Variants in GPATCH2L observed in about 807,000 individuals in gnomAD.
The protein encoded by GPATCH2L is G-patch domain containing 2 like.
GPATCH2L carries 31 observed loss-of-function variants against 57.4 expected under a neutral mutation model. The ratio of observed to expected loss-of-function variants is 0.54; its 90% confidence interval spans 0.41 to 0.73. The LOEUF is 0.73. Among genes scored for constraint, GPATCH2L ranks in the 30% least tolerant of loss-of-function variants. GPATCH2L has a pLI of 0.00. For synonymous variants in GPATCH2L, 199 were observed against 210.7 expected, an observed-to-expected ratio of 0.94 and a Z score of 0.48; for missense variants, 481 against 599.9, an observed-to-expected ratio of 0.80 and a Z score of 2.07.
intron 2 of GPATCH2L, among the ~76,000 whole-genome samples, chr14:76,233,368 A>G (rs1410791531): frequency 2.0e-5 from 3 of 152,346 alleles, no homozygotes; most frequent in South Asian, 4.1e-4. Flanking sequence ...AATTTGATAG[A>G]TACAAAGTGG....
chr14:76,180,012 C>A (rs1402626286), intron 7 of GPATCH2L: 1 of 138,178 alleles, frequency 7.2e-6, no homozygotes, highest in Non-Finnish European at 1.6e-5. Context: ...TGGCGAAACC[C>A]TGTCTCTACT....
At chr14:76,160,152 A>G (rs2038512115) in intron 2 of GPATCH2L, among the ~76,000 whole-genome samples, 1 of 152,138 alleles carries the variant, frequency 6.6e-6, no homozygotes, top group Non-Finnish European at 1.5e-5. Context: ...TCAAAAAAAA[A>G]GAAAAAAGAA....
At chr14:76,226,848 G>GAT (rs974281681) in intron 1 of GPATCH2L, among the ~76,000 whole-genome samples, 2 of 152,174 alleles carry the variant, frequency 1.3e-5, no homozygotes, top group African/African-American at 4.8e-5. Context: ...AATAAACTAA[G>GAT]AGAGTTCTGT....
rs151321509 is a variant in GPATCH2L, at chr14:76,223,790, C to A, written c.66-6018C>A. Among the ~76,000 whole-genome samples, 233 of 152,268 alleles carry A rather than the reference C, an allele frequency of 1.5e-3. 1 individual carries two copies. The highest frequency in any genetic ancestry group is 3.4e-3 in the Middle Eastern group (1 of 294). On this transcript the variant is annotated intron_variant and NMD_transcript_variant, in intron 1 of 3. Coordinates refer to the GPATCH2L transcript ENST00000556372. Reference sequence around the variant, plus strand: ...GGCAAAAAGACTCGAGTAAGCATTTCTCCAGAGAAGATGTAGGCATGGCCA... The same window carrying A: ...GGCAAAAAGACTCGAGTAAGCATTTATCCAGAGAAGATGTAGGCATGGCCA...
intron 8 of GPATCH2L, among the ~76,000 whole-genome samples, chr14:76,193,192 T>A (rs2040037541): frequency 6.6e-6 from 1 of 152,196 alleles, no homozygotes; most frequent in Non-Finnish European, 1.5e-5. Flanking sequence ...GTTAAAAACT[T>A]TAACATTTTA....
intron 2 of GPATCH2L, among the ~76,000 whole-genome samples, chr14:76,165,201 A>G (rs1396187258): frequency 1.3e-5 from 2 of 152,180 alleles, no homozygotes. Flanking sequence ...TCTATAAAGA[A>G]ATAGGGTTTG....
chr14:76,168,826 T>C (rs2038961352), intron 3 of GPATCH2L, among the ~76,000 whole-genome samples: 2 of 152,222 alleles, frequency 1.3e-5, no homozygotes, highest in Non-Finnish European at 2.9e-5. Flanking sequence ...TAGAGAGTAC[T>C]TGGAAATGCT....
intron 3 of GPATCH2L, chr14:76,170,486 G>T (rs1259191984): frequency 6.6e-6 from 1 of 152,134 alleles, no homozygotes; most frequent in African/African-American, 2.4e-5. Flanking sequence ...ATATGGATCT[G>T]GTTGTGACTT....
At chr14:76,179,291 T>C (rs1391214868) in intron 7 of GPATCH2L, 1 of 152,290 alleles carries the variant, frequency 6.6e-6, no homozygotes, top group Non-Finnish European at 1.5e-5. Flanking sequence ...TCAAGCCTGT[T>C]ATTTCACGGA....
At chr14:76,230,858 A>G (rs990515113) in intron 2 of GPATCH2L, among the ~76,000 whole-genome samples, 9 of 152,202 alleles carry the variant, frequency 5.9e-5, no homozygotes, top group Non-Finnish European at 8.8e-5. Flanking sequence ...CAACATTTGT[A>G]TTACCCGTTT....
chr14:76,229,384 C>G (rs1566829550), intron 1 of GPATCH2L, among the ~76,000 whole-genome samples: 1 of 152,210 alleles, frequency 6.6e-6, no homozygotes. Flanking sequence ...TGTGAGTTCA[C>G]TATAACTTTG....
chr14:76,221,533 A>G (rs1286120862), intron 1 of GPATCH2L, among the ~76,000 whole-genome samples: 1 of 152,254 alleles, frequency 6.6e-6, no homozygotes, highest in African/African-American at 2.4e-5. Context: ...ATGTCCACAG[A>G]AAGACTGCAC....
At chr14:76,177,056 G>GT (rs1207344531) in intron 6 of GPATCH2L, among the ~76,000 whole-genome samples, 1 of 151,372 alleles carries the variant, frequency 6.6e-6, no homozygotes, top group Admixed American at 6.6e-5. Flanking sequence ...GGAAATATCT[G>GT]TTTTTTTGAG....
rs778656471 is a variant in GPATCH2L, at chr14:76,173,584, G to T, written c.943G>T (p.Ala315Ser). 1.9e-6 allele frequency: 3 copies of T among 1,613,672 alleles called. No homozygotes were observed. Among genetic ancestry groups the T allele is most frequent in the Non-Finnish European group, 2.5e-6 (3 of 1,179,630 alleles). Residue 315 changes from alanine to serine, a missense_variant, in exon 5 of 10, where the codon GCT becomes TCT. Coordinates refer to ENST00000261530, the MANE Select transcript of GPATCH2L (RefSeq NM_017926.4). ...TRLNRLPGAA[A>S]RCLRKGRRRL... ...CTTGAATCGTCTACCTGGAGCTGCA[G>T]CTCGATGCCTCAGAAAGGGGCGAAG...
intron 4 of GPATCH2L, among the ~76,000 whole-genome samples, 175 bp from the exon 5 acceptor site, chr14:76,173,371 A>C (rs939499234): frequency 5.3e-5 from 8 of 152,154 alleles, no homozygotes; most frequent in African/African-American, 1.7e-4. Context: ...GCCTGTGATC[A>C]TACTGCTAGT....
intron 8 of GPATCH2L, among the ~76,000 whole-genome samples, chr14:76,195,195 T>G (rs2040108803): frequency 6.6e-6 from 1 of 152,156 alleles, no homozygotes; most frequent in Non-Finnish European, 1.5e-5. Context: ...TTGCATACAG[T>G]ACAATACATT....
chr14:76,217,149 A>G (rs144545269), downstream of GPATCH2L, among the ~76,000 whole-genome samples: 57 of 152,326 alleles, frequency 3.7e-4, no homozygotes, highest in Non-Finnish European at 8.1e-4. Flanking sequence ...CATAGCCTGT[A>G]GGCCAAATCT....
At chr14:76,222,955 A>C (rs530965342) in intron 1 of GPATCH2L, among the ~76,000 whole-genome samples, 525 of 49,782 alleles carry the variant, frequency 0.011, 1 homozygote, top group Non-Finnish European at 0.021. Context: ...GACTGTGTTC[A>C]AAAAAAAAAA....
rs373359281 is a variant in GPATCH2L, at chr14:76,177,858, G to A, written c.1053-130G>A. The A allele has an allele frequency of 1.1e-5, 16 of 1,426,622 alleles. No individual in the cohort carries two copies. The African/African-American group carries it at 2.1e-4, about 19-fold the overall frequency. The allele number at this position is 1,426,622 out of a possible 1,614,324, so 88.4% of individuals were successfully genotyped here. A position where few individuals can be genotyped will look rare whatever the true frequency, so the allele number is the denominator to read the frequency against. On this transcript the variant is annotated intron_variant, in intron 6 of 9. Coordinates refer to ENST00000261530, the MANE Select transcript of GPATCH2L (RefSeq NM_017926.4). ...TAATTTTCCTATCACTTCTTTTATTGTTTTCTTTCCTGTTATTCTCTCCCT... is the reference window on the plus strand; with the variant it reads ...TAATTTTCCTATCACTTCTTTTATTATTTTCTTTCCTGTTATTCTCTCCCT...
Sources: gnomAD v4.1 joint callset for allele counts (sites outside exome capture counted in the v4.1 genomes callset) on GRCh38, gnomAD v4.1.1 for gene constraint, MANE v1.5 for transcripts, NCBI Gene and HGNC (gene_info 2026-07-23, HGNC 2026-07-21) for gene names.